The following SEC31A variants were observed in gnomAD, a reference collection of about 807,000 sequenced individuals.
SEC31A encodes the protein SEC31 homolog A, COPII component.
Under a neutral mutation model 151.0 loss-of-function variants are expected in SEC31A, and 70 were observed. The ratio of observed to expected loss-of-function variants is 0.46; its 90% confidence interval spans 0.38 to 0.57. The LOEUF is 0.57. Among genes scored for constraint, SEC31A ranks in the 20% least tolerant of loss-of-function variants. SEC31A has a pLI of 0.00. For synonymous variants in SEC31A, 475 were observed against 505.9 expected (o/e 0.94, Z 0.82); for missense variants, 1,330 against 1,471.2 (o/e 0.90, Z 1.57).
chr4:82,882,321 T>C (rs1739549462), intron 1 of SEC31A, among the ~76,000 whole-genome samples: 1 of 142,552 alleles, frequency 7.0e-6, no homozygotes, highest in Non-Finnish European at 1.5e-5. Context: ...GAGAATGGCA[T>C]GACCCGGAAG....
At chr4:82,848,742 A>C in intron 20 of SEC31A, 62 bp downstream of exon 20, 1 of 1,469,148 alleles carries the variant, frequency 6.8e-7, no homozygotes, top group Non-Finnish European at 9.2e-7. Context: ...GAACAAATGA[A>C]AACCACCAAT....
chr4:82,874,733 A>C lies in SEC31A; in HGVS notation c.517T>G (p.Cys173Gly), dbSNP rs1195701083. 9.9e-6 allele frequency: 16 copies of C among 1,608,364 alleles called. No homozygotes were observed. The highest frequency in any genetic ancestry group is 1.3e-5 in the Non-Finnish European group (15 of 1,178,942). The change falls in exon 6 of 27, where the codon TGC (cysteine) becomes GGC (glycine). Residue 173 changes from cysteine (C) to glycine (G), a missense_variant. Coordinates refer to ENST00000395310, the MANE Select transcript of SEC31A (RefSeq NM_001077207.4). ...TGAACTTGTCTGTTCCATGCAATGC[A>C]GCTGATATCTTCTGGCGGCTACAAG... Reference protein sequence around the residue: ...AKTQPPEDISCIAWNRQVQHI... With the variant: ...AKTQPPEDISGIAWNRQVQHI...
intron 22 of SEC31A, among the ~76,000 whole-genome samples, chr4:82,833,892 A>G (rs1726604354): frequency 6.6e-6 from 1 of 152,258 alleles, no homozygotes; most frequent in Admixed American, 6.5e-5. Flanking sequence ...CACATGTCCC[A>G]GGGAAACTGT....
At chr4:82,883,988 C>CTTTTTTTTTTTTTTTTTT in intron 1 of SEC31A, among the ~76,000 whole-genome samples, 1 of 125,968 alleles carries the variant, frequency 7.9e-6, no homozygotes, top group Non-Finnish European at 1.6e-5. Context: ...CTTTTCTATT[C>CTTTTTTTTTTTTTTTTTT]TTTTTTTTTT....
At chr4:82,875,226 G>A (rs1478098226) in intron 5 of SEC31A, among the ~76,000 whole-genome samples, 4 of 152,202 alleles carry the variant, frequency 2.6e-5, no homozygotes, top group African/African-American at 4.8e-5. Flanking sequence ...GGCTACTCAA[G>A]TTGGATAGCC....
At position 82,866,897 on chromosome 4, in the gene SEC31A, T is replaced by G; in HGVS notation, c.1108A>C (p.Ile370Leu). ...GTGQPLPPLQ[I>L]PQQTAQHSIV... ...CTATGCTGAGCAGTCTGCTGTGGAA[T>G]TTGTAACGGAGGAAGGGGCTGTCCT... Residue 370 changes from isoleucine to leucine, a missense_variant, in exon 10 of 27, where the codon ATT becomes CTT. Physicochemically the swap from Ile to Leu is conservative, Grantham distance 5 (BLOSUM62 2). Coordinates refer to ENST00000395310, the MANE Select transcript of SEC31A (RefSeq NM_001077207.4). The G allele has an allele frequency of 6.2e-7, 1 of 1,614,204 alleles. No individual in the cohort carries two copies. Among genetic ancestry groups the G allele is most frequent in the Non-Finnish European group, 8.5e-7 (1 of 1,180,032 alleles).
rs748125493 is a variant in SEC31A at position 82,861,739 on chromosome 4, G to A, written c.1549-31C>T. 7 of 1,481,878 alleles carry A rather than the reference G, an allele frequency of 4.7e-6. No homozygotes were observed. In the South Asian group the frequency reaches 8.2e-5, roughly 17 times the overall value. 91.8% of individuals were successfully genotyped at this position (1,481,878 alleles called of 1,614,324 possible). On this transcript the variant is annotated intron_variant, in intron 13 of 26. Transcript: ENST00000395310. ...GTACACAAAACAATTACAGGGGAAG[G>A]TGAAGAATGTAGTATTAAAAGGCTA...
intron 1 of SEC31A, among the ~76,000 whole-genome samples, chr4:82,888,101 G>A (rs1417407958): frequency 6.6e-6 from 1 of 151,488 alleles, no homozygotes; most frequent in Non-Finnish European, 1.5e-5. Flanking sequence ...TTAGCCAGGC[G>A]CAGTGGCTCA....
Position 82,864,397 on chromosome 4 carries a change from T to G in SEC31A, c.1399A>C (p.Thr467Pro). 1 of 1,614,070 alleles carries G rather than the reference T, an allele frequency of 6.2e-7. No homozygotes were observed. Among genetic ancestry groups the G allele is most frequent in the Non-Finnish European group, 8.5e-7 (1 of 1,179,928 alleles). The change falls in exon 11 of 27, where the codon ACT (threonine) becomes CCT (proline). Residue 467 changes from threonine to proline, a missense_variant. Physicochemically the swap from Thr to Pro is conservative, Grantham distance 38. Transcript: ENST00000395310. Reference protein sequence around the residue: ...YCQKKIDASQTEFEKNVWSFL... With the variant: ...YCQKKIDASQPEFEKNVWSFL... Reference sequence around the variant, plus strand: ...GACCACACATTTTTCTCAAATTCAGTCTGAGAAGCATCAATTTTTTTTTGG... The same window carrying G: ...GACCACACATTTTTCTCAAATTCAGGCTGAGAAGCATCAATTTTTTTTTGG...
chr4:82,883,198 T>C (rs1441492601), intron 1 of SEC31A, among the ~76,000 whole-genome samples: 1 of 152,210 alleles, frequency 6.6e-6, no homozygotes, highest in East Asian at 1.9e-4. Flanking sequence ...TATTTTTACA[T>C]AAATATATTG....
At chr4:82,897,488 ATT>A (rs1177170845) in intron 3 of SEC31A, among the ~76,000 whole-genome samples, 6 of 152,204 alleles carry the variant, frequency 3.9e-5, no homozygotes, top group Non-Finnish European at 8.8e-5. Flanking sequence ...AGAAATAAAT[ATT>A]GTTTAAGAAA....
At chr4:82,858,685 ATTATTTAT>A (rs577988238) in intron 14 of SEC31A, among the ~76,000 whole-genome samples, 102 of 149,676 alleles carry the variant, frequency 6.8e-4, no homozygotes, top group African/African-American at 2.2e-3. Flanking sequence ...TGGAAAATAT[ATTATTTAT>A]TTATTTATTT....
At chr4:82,850,903 A>G (rs1185530435) in intron 19 of SEC31A, among the ~76,000 whole-genome samples, 1 of 152,186 alleles carries the variant, frequency 6.6e-6, no homozygotes, top group African/African-American at 2.4e-5. Context: ...CCCAAGTTTT[A>G]TTGTGCAATA....
chr4:82,844,633 A>G (rs1217896366), intron 20 of SEC31A, 124 bp from the exon 21 acceptor site: 19 of 963,154 alleles, frequency 2.0e-5, no homozygotes, highest in Non-Finnish European at 2.9e-5. Context: ...TGCATAAGAA[A>G]CATTGCATTT....
intron 6 of SEC31A, among the ~76,000 whole-genome samples, chr4:82,874,269 G>GC (rs1431554368): frequency 6.6e-6 from 1 of 150,394 alleles, no homozygotes; most frequent in Admixed American, 6.6e-5. Context: ...CTGTACTCCA[G>GC]CCTGGGCGAC....
intron 7 of SEC31A, 161 bp downstream of exon 7, chr4:82,871,783 G>A (rs1185954388): frequency 1.2e-6 from 1 of 810,012 alleles, no homozygotes; most frequent in Non-Finnish European, 1.9e-6. Context: ...AGGTTGCAGT[G>A]AGCCAAGATC....
At chr4:82,819,746 T>TTC (rs929226463) in intron 26 of SEC31A, among the ~76,000 whole-genome samples, 13 of 151,848 alleles carry the variant, frequency 8.6e-5, no homozygotes, top group African/African-American at 2.9e-4. Flanking sequence ...GTGTCCATAC[T>TTC]TTACAGAAGA....
chr4:82,838,868 AG>A (rs1177813754), intron 22 of SEC31A, among the ~76,000 whole-genome samples: 32 of 152,360 alleles, frequency 2.1e-4, no homozygotes, highest in Admixed American at 1.8e-3. Flanking sequence ...CACTAATAGA[AG>A]GCTTGAAAGT....
At position 82,842,393 on chromosome 4, in the gene SEC31A, G is replaced by A. The variant is rs746760254; in HGVS notation, c.2715C>T (p.Asn905=). 2.2e-5 allele frequency: 35 copies of A among 1,613,818 alleles called. No individual in the cohort carries two copies. The highest frequency in any genetic ancestry group is 2.7e-5 in the African/African-American group (2 of 74,878). ...ATATGTAAGGGGTGTTAGGGTAAGC[G>A]TTTGAAGTAGGAGGAGCAACAGGCT... ...PQQPVAPPTS[N]AYPNTPYISS... is the part of the protein sequence containing the mutation. Residue 905 remains asparagine, a synonymous_variant, in exon 22 of 27, where the codon AAC becomes AAT. Transcript: ENST00000395310.
Sources: gnomAD v4.1 joint callset for allele counts (sites outside exome capture counted in the v4.1 genomes callset) on GRCh38, gnomAD v4.1.1 for gene constraint, MANE v1.5 for transcripts, NCBI Gene and HGNC (gene_info 2026-07-23, HGNC 2026-07-21) for gene names.